NR2C1: variants seen among roughly 807,000 people sequenced by gnomAD.
NR2C1 encodes nuclear receptor subfamily 2 group C member 1.
In NR2C1, 33 loss-of-function variants were observed where a neutral mutation model predicts 74.8. The observed-to-expected ratio is 0.44, with a 90% CI of 0.33 to 0.59. NR2C1 has a LOEUF of 0.59. NR2C1 is among the 20% of genes least tolerant of loss of function. The pLI is 0.02. For missense variants in NR2C1, 568 were observed against 715.6 expected (o/e 0.79, Z 2.35); for synonymous variants, 225 against 240.6 (o/e 0.94, Z 0.60).
chr12:95,065,912 T>C (rs1205639902), intron 2 of NR2C1, among the ~76,000 whole-genome samples: 3 of 148,614 alleles, frequency 2.0e-5, no homozygotes, highest in Non-Finnish European at 4.4e-5. Context: ...ACAGCGCCAC[T>C]ACACTCCAGC....
At chr12:95,071,192 A>ATG (rs753481086) in intron 1 of NR2C1, among the ~76,000 whole-genome samples, 7 of 149,134 alleles carry the variant, frequency 4.7e-5, no homozygotes, top group Non-Finnish European at 1.0e-4. Context: ...CAAGGGCAAA[A>ATG]CTCCGTCTCA....
chr12:95,051,566 A>G (rs1312443309), intron 8 of NR2C1, among the ~76,000 whole-genome samples, 196 bp downstream of exon 8: 1 of 152,248 alleles, frequency 6.6e-6, no homozygotes, highest in Non-Finnish European at 1.5e-5. Flanking sequence ...TAATGCAAAC[A>G]TTCCAAAATC....
In NR2C1 at chr12:95,021,407, G is replaced by A. The variant is rs1277872246; in HGVS notation, c.*822C>T. 6.6e-6 allele frequency: 1 copy of A among 151,856 alleles called. No homozygotes were observed. Among genetic ancestry groups the A allele is most frequent in the Non-Finnish European group, 1.5e-5 (1 of 67,944 alleles). The allele number at this position is 151,856 out of a possible 1,614,324, so 9.4% of individuals were successfully genotyped here. ...CACGCGCCTGTAATCCCAGTACTTT[G>A]GGAGGCTGAGGCAGGATCACTTGAG... is the stretch of plus-strand genomic sequence containing the variant. On this transcript the variant is annotated 3_prime_UTR_variant, in exon 14 of 14. Coordinates refer to ENST00000333003, the MANE Select transcript of NR2C1 (RefSeq NM_003297.4).
At chr12:95,024,731 G>A (rs1015204806) in intron 13 of NR2C1, among the ~76,000 whole-genome samples, 3 of 151,982 alleles carry the variant, frequency 2.0e-5, no homozygotes, top group Non-Finnish European at 4.4e-5. Context: ...CCACCAAGCC[G>A]GGCTAATTTT....
rs199899060 is a variant in NR2C1, at chr12:95,022,388, T to A, written c.1653A>T (p.Leu551=). 2.0e-3 allele frequency: 3,157 copies of A among 1,610,760 alleles called. 68 individuals carry two copies. The South Asian group carries it at 0.033, about 17-fold the overall frequency. ...TCAGTCTTAAAGCTGGCAATCTGAGTAGTAGTCTGGATAACCTAAAAAAAG... is the reference window on the plus strand; with the variant it reads ...TCAGTCTTAAAGCTGGCAATCTGAGAAGTAGTCTGGATAACCTAAAAAAAG... ...PDDTYRLSRL[L]LRLPALRLMN... is the part of the protein sequence containing the mutation. The change falls in exon 14 of 14, where the codon CTA becomes CTT. Residue 551 remains leucine, a synonymous_variant. Transcript: ENST00000333003.
chr12:95,052,790 A>G (rs1007299561), intron 7 of NR2C1, among the ~76,000 whole-genome samples: 14 of 152,130 alleles, frequency 9.2e-5, no homozygotes, highest in African/African-American at 2.7e-4. Flanking sequence ...AGAGCGGGGG[A>G]AAAAATGGCA....
chr12:95,044,353 C>T (rs1304374735), intron 9 of NR2C1, among the ~76,000 whole-genome samples: 4 of 151,964 alleles, frequency 2.6e-5, no homozygotes, highest in South Asian at 2.1e-4. Flanking sequence ...CTGCAACCTC[C>T]GCCTCCCGGG....
intron 2 of NR2C1, among the ~76,000 whole-genome samples, chr12:95,066,380 T>C (rs762377025): frequency 6.6e-6 from 1 of 152,054 alleles, no homozygotes; most frequent in Non-Finnish European, 1.5e-5. Context: ...GCACAAAAAA[T>C]GGCCACAAAA....
At chr12:95,045,162 T>C (rs1872152348) in intron 9 of NR2C1, among the ~76,000 whole-genome samples, 1 of 152,178 alleles carries the variant, frequency 6.6e-6, no homozygotes, top group Non-Finnish European at 1.5e-5. Context: ...ACTATTTACT[T>C]AGAGTTCACT....
At chr12:95,062,958 C>T (rs1054390184) in intron 2 of NR2C1, 3 of 568,068 alleles carry the variant, frequency 5.3e-6, no homozygotes, top group African/African-American at 3.8e-5. Flanking sequence ...ATTTTGATTC[C>T]CTCCTTCCCC....
intron 7 of NR2C1, among the ~76,000 whole-genome samples, chr12:95,053,772 C>T (rs144415970): frequency 0.012 from 1,883 of 150,654 alleles, 31 homozygotes; most frequent in African/African-American, 0.044. Context: ...CAAGCTCCAC[C>T]TCCTGGGTTC....
chr12:95,048,253 G>T (rs941641928), intron 9 of NR2C1, among the ~76,000 whole-genome samples: 3 of 152,120 alleles, frequency 2.0e-5, no homozygotes, highest in Non-Finnish European at 2.9e-5. Context: ...AATGCTGGAA[G>T]CCAGCTAATT....
At chr12:95,068,079 T>C (rs1876002677) in intron 1 of NR2C1, among the ~76,000 whole-genome samples, 1 of 151,978 alleles carries the variant, frequency 6.6e-6, no homozygotes, top group African/African-American at 2.4e-5. Context: ...AGGGTTTCAC[T>C]GTGTTAGCCA....
At chr12:95,045,653 AAAT>A (rs1429106892) in intron 9 of NR2C1, among the ~76,000 whole-genome samples, 1 of 152,150 alleles carries the variant, frequency 6.6e-6, no homozygotes, top group Non-Finnish European at 1.5e-5. Flanking sequence ...TCTAATGTGA[AAAT>A]AATAAAATTT....
intron 9 of NR2C1, among the ~76,000 whole-genome samples, chr12:95,048,622 G>GCTTTTT (rs1432439180): frequency 1.5e-5 from 2 of 130,526 alleles, no homozygotes; most frequent in Non-Finnish European, 1.6e-5. Flanking sequence ...ATGCAGATGA[G>GCTTTTT]TTTTTTTTTT....
intron 12 of NR2C1, among the ~76,000 whole-genome samples, chr12:95,025,808 G>A (rs374738200): frequency 1.3e-5 from 2 of 150,904 alleles, no homozygotes; most frequent in African/African-American, 2.4e-5. Flanking sequence ...AAAAATAAGC[G>A]GGTGTTACCA....
chr12:95,067,579 T>A (rs1037307464), intron 1 of NR2C1, among the ~76,000 whole-genome samples, 188 bp from the exon 2 acceptor site: 14 of 152,016 alleles, frequency 9.2e-5, no homozygotes, highest in South Asian at 4.2e-4. Context: ...TTTTTTATTT[T>A]TTTTTTTTTT....
At chr12:95,062,786 T>C (rs1443521614) in intron 2 of NR2C1, 48 bp from the exon 3 acceptor site, 2 of 1,406,524 alleles carry the variant, frequency 1.4e-6, no homozygotes, top group Admixed American at 1.7e-5. Context: ...AATTTTTCTT[T>C]AATGACACAA....
chr12:95,037,633 C>T (rs1221061185), intron 10 of NR2C1, among the ~76,000 whole-genome samples: 1 of 152,238 alleles, frequency 6.6e-6, no homozygotes, highest in East Asian at 1.9e-4. Flanking sequence ...CGGTGGCTCA[C>T]GCCTGTAATC....
Sources: gnomAD v4.1 joint callset for allele counts (sites outside exome capture counted in the v4.1 genomes callset) on GRCh38, gnomAD v4.1.1 for gene constraint, MANE v1.5 for transcripts, NCBI Gene and HGNC (gene_info 2026-07-23, HGNC 2026-07-21) for gene names.